FREM3: variants seen among roughly 807,000 people sequenced by gnomAD.
FREM3 encodes FRAS1-related extracellular matrix protein 3.
FREM3 carries 105 observed loss-of-function variants against 129.1 expected under a neutral mutation model. The ratio of observed to expected loss-of-function variants is 0.81; its 90% CI spans 0.69 to 0.96. The LOEUF (loss-of-function observed/expected upper bound fraction) is 0.96, where lower values mean the gene tolerates loss of function less well. Ranked by LOEUF, FREM3 falls within the 40% of genes least tolerant of loss-of-function variation. The pLI, the probability that FREM3 is intolerant of heterozygous loss-of-function variation, is 0.00. For synonymous variants in FREM3, 1,014 were observed against 1,044.9 expected (o/e 0.97, Z 0.57); for missense variants, 2,593 against 2,666.3 (o/e 0.97, Z 0.61).
intron 2 of FREM3, among the ~76,000 whole-genome samples, chr4:143,634,027 C>A (rs1167459730): frequency 6.6e-6 from 1 of 152,102 alleles, no homozygotes; most frequent in Non-Finnish European, 1.5e-5. Context: ...ACTCACAGAG[C>A]CCAAACAGGG....
At chr4:143,644,200 T>C (rs570097549) in intron 2 of FREM3, among the ~76,000 whole-genome samples, 307 of 142,192 alleles carry the variant, frequency 2.2e-3, no homozygotes, top group Middle Eastern at 7.2e-3. Flanking sequence ...TGTGTGTGTG[T>C]GCGCGTGTGC....
At chr4:143,659,651 CA>C (rs1481890256) in intron 2 of FREM3, among the ~76,000 whole-genome samples, 5 of 93,488 alleles carry the variant, frequency 5.3e-5, no homozygotes, top group Admixed American at 4.9e-4. Context: ...CCTGAGGAAT[CA>C]CCCCACTGAC....
chr4:143,635,783 T>A (rs1739223386), intron 2 of FREM3, among the ~76,000 whole-genome samples: 1 of 152,206 alleles, frequency 6.6e-6, no homozygotes, highest in African/African-American at 2.4e-5. Context: ...ATTGCCTAAA[T>A]TAATCCAAGG....
chr4:143,652,678 G>A (rs1739533639), intron 2 of FREM3, among the ~76,000 whole-genome samples: 1 of 152,130 alleles, frequency 6.6e-6, no homozygotes, highest in Admixed American at 6.5e-5. Context: ...TGTTGCTCAG[G>A]CTGGAGTACA....
At chr4:143,588,032 C>A (rs916088490) in intron 6 of FREM3, among the ~76,000 whole-genome samples, 1 of 152,174 alleles carries the variant, frequency 6.6e-6, no homozygotes, top group Non-Finnish European at 1.5e-5. Context: ...CAGTCCCTCT[C>A]TTTTGTTCAT....
intron 6 of FREM3, among the ~76,000 whole-genome samples, chr4:143,595,960 C>T (rs1415050683): frequency 6.7e-6 from 1 of 150,088 alleles, no homozygotes; most frequent in Non-Finnish European, 1.5e-5. Context: ...GGTGCTATGT[C>T]TTTAAAAATG....
At position 143,667,157 on chromosome 4, in the gene FREM3, C is replaced by T. The variant is rs564573952; in HGVS notation, c.5275+25956G>A. Among the ~76,000 whole-genome samples, 72 of 152,052 alleles carry T rather than the reference C, an allele frequency of 4.7e-4. 2 individuals carry two copies. Among genetic ancestry groups the T allele is most frequent in the African/African-American group, 1.5e-3 (63 of 41,480 alleles). The stretch of plus-strand genomic sequence containing the variant: ...ATGCTAGTAGTATTTTTGTTACCAA[C>T]ATATATTTTATTGGAGGAATACTGT... On this transcript the variant is annotated intron_variant, in intron 2 of 7. Coordinates refer to ENST00000329798, the MANE Select transcript of FREM3 (RefSeq NM_001168235.2).
chr4:143,638,690 A>C (rs1739273727), intron 2 of FREM3, among the ~76,000 whole-genome samples: 1 of 152,160 alleles, frequency 6.6e-6, no homozygotes, highest in South Asian at 2.1e-4. Context: ...CTCTAGGGCC[A>C]GGGACACCAG....
intron 2 of FREM3, among the ~76,000 whole-genome samples, chr4:143,674,588 C>A (rs1321780533): frequency 6.6e-6 from 1 of 152,170 alleles, no homozygotes; most frequent in Non-Finnish European, 1.5e-5. Flanking sequence ...TTAAAAGACA[C>A]AGACTGGCAG....
chr4:143,588,093 G>A (rs1003706276), intron 6 of FREM3, among the ~76,000 whole-genome samples: 1 of 152,144 alleles, frequency 6.6e-6, no homozygotes, highest in Admixed American at 6.5e-5. Context: ...TTTCCAGGCA[G>A]AGCCAGATCC....
intron 2 of FREM3, among the ~76,000 whole-genome samples, chr4:143,651,314 T>C (rs1035365871): frequency 6.6e-6 from 1 of 152,254 alleles, no homozygotes; most frequent in Non-Finnish European, 1.5e-5. Flanking sequence ...TTTGGCTTGC[T>C]GTACAAGAAT....
At chr4:143,590,281 A>G (rs186310606) in intron 6 of FREM3, among the ~76,000 whole-genome samples, 1,968 of 152,310 alleles carry the variant, frequency 0.013, 41 homozygotes, top group African/African-American at 0.045. Context: ...TATGTTGAAT[A>G]GGAGTGATGA....
rs1323421750 is a variant in FREM3, at chr4:143,697,866, T to C, written c.2810A>G (p.Asn937Ser). The C allele has an allele frequency of 2.6e-6, 4 of 1,537,718 alleles. No individual in the cohort carries two copies. The South Asian group carries it at 3.6e-5, about 14-fold the overall frequency. The change falls in exon 1 of 8, where the codon AAT (asparagine) becomes AGT (serine). Residue 937 changes from asparagine to serine, a missense_variant. By Grantham distance (46) the Asn-to-Ser change is conservative. Around this residue, in one of 2 missense-constraint regions of FREM3, gnomAD observed 2,276 missense variants for 2,267.2 expected, o/e 1.00. Transcript: ENST00000329798. The part of the protein sequence containing the change: ...PITIPISVHP[N>S]VANRSPRISL... Reference sequence around the variant, plus strand: ...GATCCTAGGACTTCTGTTAGCCACATTGGGATGCACAGAAATTGGGATGGT... The same window carrying C: ...GATCCTAGGACTTCTGTTAGCCACACTGGGATGCACAGAAATTGGGATGGT...
At chr4:143,617,808 G>T (rs997902825) in intron 5 of FREM3, among the ~76,000 whole-genome samples, 1 of 152,156 alleles carries the variant, frequency 6.6e-6, no homozygotes, top group Non-Finnish European at 1.5e-5. Flanking sequence ...TGGTGCACTG[G>T]GGCTCTAGTT....
In FREM3 at chr4:143,587,298, T is replaced by A. The variant is rs545574967; in HGVS notation, c.6029-1305A>T. ...TGGGAAGCCATATTTATTTCCTCAA[T>A]AAATAATCATTCTTCACTCTGTGCT... On this transcript the variant is annotated intron_variant, in intron 6 of 7. Transcript: ENST00000329798. Among the ~76,000 whole-genome samples the A allele has an allele frequency of 6.6e-5, 10 of 152,352 alleles. No individual in the cohort carries two copies. The South Asian group carries it at 2.1e-3, about 32-fold the overall frequency.
chr4:143,625,931 G>A (rs1560849438), intron 3 of FREM3, among the ~76,000 whole-genome samples: 1 of 152,190 alleles, frequency 6.6e-6, no homozygotes. Flanking sequence ...CAAACACATC[G>A]TGAGATGGAT....
In FREM3 at chr4:143,595,889, G is replaced by GGAAAAAAAAA. The variant is rs750809003; in HGVS notation, c.6029-9897_6029-9896insTTTTTTTTTC. On this transcript the variant is annotated intron_variant, in intron 6 of 7. Coordinates refer to ENST00000329798, the MANE Select transcript of FREM3 (RefSeq NM_001168235.2). ...GGCGACAGAGCGAGACGCCATCTCA[G>GGAAAAAAAAA]AAAAAAAAAAAAAAAGAAGGAACTG... Among the ~76,000 whole-genome samples the GGAAAAAAAAA allele has an allele frequency of 1.6e-3, 181 of 110,614 alleles. 13 individuals are homozygous for GGAAAAAAAAA. The highest frequency in any genetic ancestry group is 2.4e-3 in the South Asian group (8 of 3,384). The allele number at this position is 110,614 out of a possible 152,430, so 72.6% of individuals were successfully genotyped here.
chr4:143,646,720 C>T (rs1174057010), intron 2 of FREM3, among the ~76,000 whole-genome samples: 1 of 152,186 alleles, frequency 6.6e-6, no homozygotes, highest in African/African-American at 2.4e-5. Flanking sequence ...GTAAATTACC[C>T]AGTCTCAGGC....
In FREM3 at chr4:143,610,514, A is replaced by G. The variant is rs115493079; in HGVS notation, c.6028+765T>C. Among the ~76,000 whole-genome samples the G allele has an allele frequency of 4.5e-3, 689 of 152,292 alleles. 5 individuals are homozygous for G. Among genetic ancestry groups the G allele is most frequent in the African/African-American group, 0.015 (642 of 41,574 alleles). ...AATTTTGGGTCCTTAATAACAGCCC[A>G]GTCTAACCCTTCTTAGGTCTGAGCT... On this transcript the variant is annotated intron_variant, in intron 6 of 7. Transcript: ENST00000329798.
Sources: allele counts gnomAD v4.1 joint callset (sites outside exome capture counted in the v4.1 genomes callset), GRCh38; gene constraint gnomAD v4.1.1; regional missense constraint gnomAD v4.1.1; transcripts MANE v1.5; gene names NCBI Gene and HGNC (gene_info 2026-07-23, HGNC 2026-07-21).